Variants in CDCA2 observed in about 807,000 individuals in gnomAD.
The protein encoded by CDCA2 is cell division cycle-associated protein 2.
Under a neutral mutation model 67.0 loss-of-function variants are expected in CDCA2, and 44 were observed. The observed-to-expected ratio is 0.66, with a 90% CI of 0.52 to 0.84. The LOEUF (loss-of-function observed/expected upper bound fraction) is 0.84, where lower values mean the gene tolerates loss of function less well. Among genes scored for constraint, CDCA2 ranks in the 40% least tolerant of loss-of-function variants. The pLI is 0.00. For synonymous variants in CDCA2, 447 were observed against 418.7 expected (o/e 1.07, Z -0.82); for missense variants, 1,253 against 1,203.2 (o/e 1.04, Z -0.61).
intron 14 of CDCA2, 96 bp downstream of exon 14, chr8:25,503,640 T>TAA (rs745543239): frequency 1.9e-5 from 23 of 1,205,220 alleles, no homozygotes; most frequent in Admixed American, 2.4e-5. Flanking sequence ...ATTCACTATG[T>TAA]AAAGAGTACG....
chr8:25,471,279 G>A (rs1242475000), intron 7 of CDCA2, among the ~76,000 whole-genome samples: 1 of 152,180 alleles, frequency 6.6e-6, no homozygotes, highest in Non-Finnish European at 1.5e-5. Context: ...ATGTCCGCCT[G>A]CATGGTCCCC....
At chr8:25,476,355 A>T (rs1803347260) in intron 7 of CDCA2, among the ~76,000 whole-genome samples, 1 of 152,204 alleles carries the variant, frequency 6.6e-6, no homozygotes, top group African/African-American at 2.4e-5. Flanking sequence ...AGCTCTACTC[A>T]TGAGTGATCT....
Position 25,506,502 on chromosome 8 carries a change from G to A in CDCA2, c.1844-8G>A. ...TAATTAGATTTAAACCTATTTACAT[G>A]CCCATAGGTTATTTCAGTTCAAATG... is the stretch of plus-strand genomic sequence containing the variant. On this transcript the variant is annotated splice_polypyrimidine_tract_variant and splice_region_variant and intron_variant, in intron 14 of 14. Transcript: ENST00000330560. 6.5e-7 allele frequency: 1 copy of A among 1,544,320 alleles called. No homozygotes were observed. Among genetic ancestry groups the A allele is most frequent in the Non-Finnish European group, 8.7e-7 (1 of 1,152,448 alleles).
chr8:25,485,207 A>T (rs1803724282), intron 10 of CDCA2, among the ~76,000 whole-genome samples: 1 of 50,860 alleles, frequency 2.0e-5, no homozygotes, highest in African/African-American at 5.0e-5. Context: ...TAATAATAAT[A>T]ATAAAGAAAA....
intron 7 of CDCA2, 152 bp from the exon 8 acceptor site, chr8:25,479,761 A>G (rs1421966103): frequency 2.9e-6 from 2 of 686,756 alleles, no homozygotes; most frequent in Non-Finnish European, 4.9e-6. Context: ...CTGTTTCCAA[A>G]TGAAATCCCA....
intron 3 of CDCA2, 76 bp from the exon 4 acceptor site, chr8:25,461,978 G>A: frequency 5.8e-6 from 8 of 1,388,190 alleles, no homozygotes; most frequent in African/African-American, 1.4e-5. Context: ...TCTCAGGCTG[G>A]TACATCACGA....
chr8:25,476,715 A>G (rs530334845), intron 7 of CDCA2, among the ~76,000 whole-genome samples: 125 of 151,868 alleles, frequency 8.2e-4, no homozygotes, highest in African/African-American at 2.8e-3. Context: ...CACCACACCC[A>G]GCTAATTTTT....
chr8:25,503,284 A>T, intron 13 of CDCA2, 89 bp from the exon 14 acceptor site: 1 of 979,858 alleles, frequency 1.0e-6, no homozygotes, highest in Non-Finnish European at 1.6e-6. Flanking sequence ...CCCTGTCTCA[A>T]AAATAAATAA....
intron 13 of CDCA2, among the ~76,000 whole-genome samples, chr8:25,498,716 C>T (rs566293959): frequency 4.6e-5 from 7 of 152,198 alleles, no homozygotes; most frequent in Admixed American, 4.6e-4. Context: ...ACATCCACTT[C>T]CTACCCATAA....
chr8:25,474,936 G>A (rs1405828368), intron 7 of CDCA2, among the ~76,000 whole-genome samples: 1 of 152,158 alleles, frequency 6.6e-6, no homozygotes, highest in Non-Finnish European at 1.5e-5. Context: ...TCACTTCTCT[G>A]CAGCTGGGGT....
At chr8:25,469,396 C>G (rs1035146291) in intron 6 of CDCA2, among the ~76,000 whole-genome samples, 1 of 152,152 alleles carries the variant, frequency 6.6e-6, no homozygotes, top group Non-Finnish European at 1.5e-5. Flanking sequence ...GTTATCAGAA[C>G]TTTGATTAAT....
At chr8:25,505,197 T>TTTTG (rs569483664) in intron 14 of CDCA2, among the ~76,000 whole-genome samples, 67 of 152,152 alleles carry the variant, frequency 4.4e-4, no homozygotes, top group African/African-American at 1.6e-3. Flanking sequence ...ATACATATCT[T>TTTTG]TTTGTTTGTT....
intron 14 of CDCA2, among the ~76,000 whole-genome samples, chr8:25,504,982 T>A (rs1461901201): frequency 6.6e-6 from 1 of 152,242 alleles, no homozygotes; most frequent in African/African-American, 2.4e-5. Context: ...AGTAAAATTT[T>A]CCATGTTGTA....
chr8:25,484,827 C>T (rs1380561612), intron 10 of CDCA2, among the ~76,000 whole-genome samples: 1 of 152,116 alleles, frequency 6.6e-6, no homozygotes, highest in East Asian at 1.9e-4. Flanking sequence ...AATACTAATT[C>T]TACACAAGTG....
chr8:25,507,910 C>A lies in CDCA2; in HGVS notation c.*172C>A, dbSNP rs1165450787. 3.8e-6 allele frequency: 2 copies of A among 524,536 alleles called. No individual in the cohort carries two copies. Among genetic ancestry groups the A allele is most frequent in the Non-Finnish European group, 6.1e-6 (2 of 326,768 alleles). 32.5% of individuals were successfully genotyped at this position (524,536 alleles called of 1,614,324 possible). ...GAAATAAATAAGTTTCTTCATCATT[C>A]AGATAGAAAACATTCTATTAAATAT... is the stretch of plus-strand genomic sequence containing the variant. On this transcript the variant is annotated 3_prime_UTR_variant, in exon 15 of 15. Transcript: ENST00000330560.
In CDCA2 at chr8:25,480,091, A is replaced by G; in HGVS notation, c.999A>G (p.Lys333=). Residue 333 remains lysine (K), a synonymous_variant, in exon 8 of 15, where the codon AAA becomes AAG. Coordinates refer to ENST00000330560, the MANE Select transcript of CDCA2 (RefSeq NM_152562.4). ...KTFVLRSVLK[K]PSVKMCLESL... is the part of the protein sequence containing the mutation. ...TTGTACTTCGTTCTGTACTGAAGAA[A>G]CCCTCTGTTAAGATGTGTCTAGAGA... 6.2e-7 allele frequency: 1 copy of G among 1,614,082 alleles called. No individual in the cohort carries two copies. The highest frequency in any genetic ancestry group is 1.1e-5 in the South Asian group (1 of 91,072).
At chr8:25,494,257 C>T (rs1804120403) in intron 13 of CDCA2, among the ~76,000 whole-genome samples, 1 of 151,712 alleles carries the variant, frequency 6.6e-6, no homozygotes, top group African/African-American at 2.4e-5. Context: ...GCCAGTAGTG[C>T]GAGACCAGCC....
At chr8:25,493,077 G>A (rs1318500734) in intron 13 of CDCA2, among the ~76,000 whole-genome samples, 1 of 152,152 alleles carries the variant, frequency 6.6e-6, no homozygotes, top group African/African-American at 2.4e-5. Flanking sequence ...TTAGAACAGT[G>A]CCTGGCCATA....
Position 25,493,590 on chromosome 8 carries a change from G to A in CDCA2, c.1671+4901G>A, listed in dbSNP as rs570356030. 1.3e-4 allele frequency among the ~76,000 whole-genome samples: 20 copies of A among 152,282 alleles called. No homozygotes were observed. The South Asian group carries it at 3.5e-3, about 27-fold the overall frequency. On this transcript the variant is annotated intron_variant, in intron 13 of 14. Coordinates refer to ENST00000330560, the MANE Select transcript of CDCA2 (RefSeq NM_152562.4). ...AAGAGCTTCTAAATTACTTAGAAAG[G>A]AACAGTCTTCAAAAGATAACAAAAC...
Sources: gnomAD v4.1 joint callset for allele counts (sites outside exome capture counted in the v4.1 genomes callset) on GRCh38, gnomAD v4.1.1 for gene constraint, MANE v1.5 for transcripts, NCBI Gene and HGNC (gene_info 2026-07-23, HGNC 2026-07-21) for gene names.